DMD: variants seen among roughly 807,000 people sequenced by gnomAD.
DMD encodes the protein mutant dystrophin.
In DMD, 63 loss-of-function variants were observed where a neutral mutation model predicts 330.1. The observed-to-expected ratio is 0.19, with a 90% CI of 0.16 to 0.24. The LOEUF (loss-of-function observed/expected upper bound fraction) is 0.24, where lower values mean the gene tolerates loss of function less well. Ranked by LOEUF, DMD falls within the 10% of genes least tolerant of loss-of-function variation. The probability of loss-of-function intolerance (pLI) is 1.00; values close to 1 mark genes in which losing one functional copy is unlikely to be tolerated. For missense variants in DMD, 3,344 were observed against 2,684.1 expected (o/e 1.25, Z -5.43); for synonymous variants, 1,223 against 959.8 (o/e 1.27, Z -5.07).
chrX:32,559,992 T>C (rs1432345775), intron 16 of DMD, among the ~76,000 whole-genome samples: 2 of 111,360 alleles, frequency 1.8e-5, no homozygotes, highest in Non-Finnish European at 3.8e-5. Flanking sequence ...TCTGAGCATA[T>C]GTATTTTATC....
intron 1 of DMD, among the ~76,000 whole-genome samples, chrX:33,203,126 T>C (rs893378092): frequency 1.1e-4 from 12 of 111,705 alleles, no homozygotes; most frequent in African/African-American, 3.2e-4. Flanking sequence ...GATAATCACT[T>C]TCACTAACGG....
At chrX:33,215,695 T>C (rs2052041015), upstream of DMD, among the ~76,000 whole-genome samples, 1 of 112,155 alleles carries the variant, frequency 8.9e-6, no homozygotes, top group Middle Eastern at 4.2e-3. Context: ...CAGTTGATTT[T>C]TGTATATAAT....
intron 51 of DMD, among the ~76,000 whole-genome samples, chrX:31,772,133 G>C (rs184489235): frequency 3.6e-5 from 4 of 112,327 alleles, no homozygotes; most frequent in African/African-American, 1.3e-4. Flanking sequence ...TCTAGAGTTC[G>C]TGGTGGAACC....
intron 47 of DMD, among the ~76,000 whole-genome samples, chrX:31,899,445 G>A (rs1017616878): frequency 2.8e-5 from 3 of 109,033 alleles, no homozygotes; most frequent in Admixed American, 9.9e-5. Flanking sequence ...AATCTCATTC[G>A]TAAGACTGAA....
At chrX:31,281,442 G>A (rs1014603646) in intron 62 of DMD, among the ~76,000 whole-genome samples, 8 of 111,877 alleles carry the variant, frequency 7.2e-5, no homozygotes, top group Non-Finnish European at 9.4e-5. Context: ...CTGATTCCCA[G>A]CAGCATGTTA....
intron 9 of DMD, among the ~76,000 whole-genome samples, chrX:32,667,174 C>A (rs2061356741): frequency 9.0e-6 from 1 of 111,383 alleles, no homozygotes; most frequent in African/African-American, 3.3e-5. Context: ...TGGATGACAT[C>A]AATGAGCTCT....
Position 31,120,079 on chromosome X carries a change from C to T in DMD, c.*1840G>A, listed in dbSNP as rs1647229297. Reference sequence around the variant, plus strand: ...AAAAGCTAATTACACTTGATGTCAGCCCACTCTCCAAAAGCTAATTACACT... The same window carrying T: ...AAAAGCTAATTACACTTGATGTCAGTCCACTCTCCAAAAGCTAATTACACT... On this transcript the variant is annotated 3_prime_UTR_variant, in exon 79 of 79. Coordinates refer to ENST00000357033, the MANE Select transcript of DMD (RefSeq NM_004006.3). 9.0e-6 allele frequency: 1 copy of T among 110,730 alleles called. No homozygotes were observed. The highest frequency in any genetic ancestry group is 1.9e-5 in the Non-Finnish European group (1 of 52,736). The allele number at this position is 110,730 out of a possible 1,213,427, so 9.1% of individuals were successfully genotyped here. A position where few individuals can be genotyped will look rare whatever the true frequency, so the allele number is the denominator to read the frequency against.
At chrX:31,892,984 A>G (rs777084483) in intron 47 of DMD, among the ~76,000 whole-genome samples, 3 of 112,204 alleles carry the variant, frequency 2.7e-5, no homozygotes, top group Non-Finnish European at 5.6e-5. Context: ...TTAAAATAAC[A>G]TATGTGGCTC....
chrX:32,790,129 C>T (rs2075709580), intron 7 of DMD, among the ~76,000 whole-genome samples: 1 of 111,678 alleles, frequency 9.0e-6, no homozygotes, highest in African/African-American at 3.3e-5. Context: ...GGATCTGTTA[C>T]TCACCTCTTC....
intron 7 of DMD, among the ~76,000 whole-genome samples, chrX:32,777,277 T>TTGG (rs2074252148): frequency 1.9e-3 from 4 of 2,113 alleles, no homozygotes; most frequent in Non-Finnish European, 2.8e-3. Context: ...GGTTTCTGGT[T>TTGG]GGGGGGGGAA....
At position 31,592,684 on chromosome X, in the gene DMD, G is replaced by A. The variant is rs377221021; in HGVS notation, c.8217+34989C>T. Among the ~76,000 whole-genome samples the A allele has an allele frequency of 2.7e-5, 3 of 109,807 alleles. No individual in the cohort carries two copies. The East Asian group carries it at 8.6e-4, about 31-fold the overall frequency. On this transcript the variant is annotated intron_variant, in intron 55 of 78. Transcript: ENST00000357033. ...ATTATTTAATTATACTCATGGTTTT[G>A]ACTCATTTGTAAATGCCCATCTGAG...
intron 13 of DMD, among the ~76,000 whole-genome samples, chrX:32,590,789 A>T (rs1281337751): frequency 9.0e-6 from 1 of 110,939 alleles, no homozygotes; most frequent in Admixed American, 9.6e-5. Flanking sequence ...AGGCTTTTGG[A>T]CTTGGACTGC....
At chrX:32,830,458 T>A (rs2079066213) in intron 4 of DMD, among the ~76,000 whole-genome samples, 1 of 111,655 alleles carries the variant, frequency 9.0e-6, no homozygotes, top group Admixed American at 9.5e-5. Flanking sequence ...ATATGACATG[T>A]ATGTTAATGT....
chrX:32,300,235 T>C (rs764316860), intron 42 of DMD, among the ~76,000 whole-genome samples: 2 of 111,792 alleles, frequency 1.8e-5, no homozygotes, highest in South Asian at 7.3e-4. Flanking sequence ...TGTTCAACCA[T>C]TGTAGATAGA....
intron 1 of DMD, among the ~76,000 whole-genome samples, chrX:33,126,978 TGTAA>T (rs2095469069): frequency 9.0e-6 from 1 of 111,582 alleles, no homozygotes; most frequent in Non-Finnish European, 1.9e-5. Flanking sequence ...AACAGCAATC[TGTAA>T]GTGAGAAATG....
intron 49 of DMD, among the ~76,000 whole-genome samples, chrX:31,834,031 C>T (rs1230908613): frequency 1.8e-5 from 2 of 111,163 alleles, no homozygotes; most frequent in Admixed American, 9.6e-5. Context: ...AGACTCATTT[C>T]CTCTTCTATT....
chrX:31,424,293 G>A (rs752210890), intron 60 of DMD, among the ~76,000 whole-genome samples: 1 of 111,957 alleles, frequency 8.9e-6, no homozygotes, highest in South Asian at 3.7e-4. Context: ...TTTCCCCCAT[G>A]TGCAATTCCC....
At chrX:32,786,659 C>T (rs896278338) in intron 7 of DMD, among the ~76,000 whole-genome samples, 5 of 111,512 alleles carry the variant, frequency 4.5e-5, no homozygotes, top group Non-Finnish European at 9.4e-5. Flanking sequence ...AAAAACAAAC[C>T]CAATTAGCCC....
At chrX:32,363,084 G>A in intron 36 of DMD, 126 bp from the exon 37 acceptor site, 3 of 660,793 alleles carry the variant, frequency 4.5e-6, no homozygotes, top group Non-Finnish European at 7.0e-6. Context: ...GAGAGAGAAA[G>A]TAAGAAAATG....
Sources: allele counts gnomAD v4.1 joint callset (sites outside exome capture counted in the v4.1 genomes callset), GRCh38; gene constraint gnomAD v4.1.1; transcripts MANE v1.5; gene names NCBI Gene and HGNC (gene_info 2026-07-23, HGNC 2026-07-21).